Variants in STX12 observed in about 807,000 individuals in gnomAD.
STX12 encodes the protein syntaxin 12.
STX12 carries 17 observed loss-of-function variants against 42.2 expected under a neutral mutation model. That is an observed-to-expected ratio of 0.40 (90% confidence interval 0.28 to 0.60). The LOEUF (loss-of-function observed/expected upper bound fraction) is 0.60, where lower values mean the gene tolerates loss of function less well. Among genes scored for constraint, STX12 ranks in the 20% least tolerant of loss-of-function variants. The probability of loss-of-function intolerance (pLI) is 0.39; values close to 1 mark genes in which losing one functional copy is unlikely to be tolerated. For missense variants in STX12, 297 were observed against 330.9 expected (o/e 0.90, Z 0.79); for synonymous variants, 108 against 116.7 (o/e 0.93, Z 0.48).
chr1:27,779,725 A>G (rs186146123), intron 1 of STX12, among the ~76,000 whole-genome samples: 11 of 152,108 alleles, frequency 7.2e-5, no homozygotes, highest in Admixed American at 3.3e-4. Flanking sequence ...CTTTGCTAGG[A>G]AGGCTATTTT....
At chr1:27,784,992 T>C (rs1255513245) in intron 1 of STX12, among the ~76,000 whole-genome samples, 1 of 152,114 alleles carries the variant, frequency 6.6e-6, no homozygotes, top group Non-Finnish European at 1.5e-5. Flanking sequence ...AGAAGAGTTC[T>C]CCACTGAGAA....
At chr1:27,782,648 G>A (rs1037192586) in intron 1 of STX12, among the ~76,000 whole-genome samples, 1 of 152,010 alleles carries the variant, frequency 6.6e-6, no homozygotes, top group African/African-American at 2.4e-5. Flanking sequence ...GACCAGCCTC[G>A]CTAACATGGT....
chr1:27,817,353 T>C (rs979199665), intron 6 of STX12, among the ~76,000 whole-genome samples: 3 of 152,212 alleles, frequency 2.0e-5, no homozygotes, highest in Non-Finnish European at 4.4e-5. Context: ...GATGACAGAA[T>C]CCAGCAACTC....
chr1:27,815,254 C>A (rs1309037411), intron 6 of STX12, among the ~76,000 whole-genome samples: 1 of 152,058 alleles, frequency 6.6e-6, no homozygotes, highest in Non-Finnish European at 1.5e-5. Context: ...TGGAGTGAGA[C>A]ATATGGAGCT....
At chr1:27,795,047 C>T (rs1029465732) in intron 3 of STX12, among the ~76,000 whole-genome samples, 3 of 152,026 alleles carry the variant, frequency 2.0e-5, no homozygotes, top group Admixed American at 1.3e-4. Flanking sequence ...TATGATTGAA[C>T]GTTTTAAATG....
intron 8 of STX12, among the ~76,000 whole-genome samples, chr1:27,821,559 G>C (rs550934165): frequency 1.1e-4 from 16 of 143,188 alleles, no homozygotes; most frequent in Admixed American, 2.6e-4. Context: ...TCCGCTTGCT[G>C]TATTTTTTTT....
chr1:27,785,365 G>A (rs1427778317), intron 1 of STX12, among the ~76,000 whole-genome samples: 1 of 152,164 alleles, frequency 6.6e-6, no homozygotes, highest in Non-Finnish European at 1.5e-5. Flanking sequence ...AGTTAAGAAA[G>A]TCACAGGTGG....
intron 2 of STX12, among the ~76,000 whole-genome samples, chr1:27,791,537 C>T (rs1329613383): frequency 1.3e-5 from 2 of 152,074 alleles, no homozygotes; most frequent in African/African-American, 2.4e-5. Context: ...CTGAGCAAGC[C>T]GGGAGCAGTG....
chr1:27,800,488 GGTGTGTGTGTGTGTGTGTGTGTGTGTGT>G (rs57488710), intron 3 of STX12, among the ~76,000 whole-genome samples: 33 of 140,988 alleles, frequency 2.3e-4, no homozygotes, highest in African/African-American at 8.5e-4. Flanking sequence ...GTCAGTATGT[GGTGTGTGTGTGTGTGTGTGTGTGTGTGT>G]GTGTGTGTGT....
At chr1:27,813,878 G>A (rs1485163290) in intron 6 of STX12, among the ~76,000 whole-genome samples, 1 of 152,030 alleles carries the variant, frequency 6.6e-6, no homozygotes, top group African/African-American at 2.4e-5. Context: ...TGCCCTAAAG[G>A]CCATCAATGT....
chr1:27,792,056 CTATAA>C (rs1289256227), intron 2 of STX12, among the ~76,000 whole-genome samples: 1 of 133,990 alleles, frequency 7.5e-6, no homozygotes, highest in Non-Finnish European at 1.6e-5. Flanking sequence ...ATAAATATAT[CTATAA>C]TATATATAAA....
chr1:27,824,417 G>A lies in STX12; in HGVS notation c.*2088G>A, dbSNP rs970784460. On this transcript the variant is annotated 3_prime_UTR_variant, in exon 9 of 9. Coordinates refer to ENST00000373943, the MANE Select transcript of STX12 (RefSeq NM_177424.3). ...GTAGTTGCCAAAGAGGTTCTCCTAG[G>A]TGGTCTTAATAAACCTATTCACAGA... 1 of 152,186 alleles carries A rather than the reference G, an allele frequency of 6.6e-6. No individual in the cohort carries two copies. Among genetic ancestry groups the A allele is most frequent in the Non-Finnish European group, 1.5e-5 (1 of 68,036 alleles). 9.4% of individuals were successfully genotyped at this position (152,186 alleles called of 1,614,324 possible). A position where few individuals can be genotyped will look rare whatever the true frequency, so the allele number is the denominator to read the frequency against.
Position 27,809,124 on chromosome 1 carries a change from A to G in STX12, c.427-1122A>G, listed in dbSNP as rs536926385. Among the ~76,000 whole-genome samples the G allele has an allele frequency of 3.3e-3, 503 of 152,248 alleles. 4 individuals are homozygous for G. The highest frequency in any genetic ancestry group is 0.011 in the African/African-American group (475 of 41,552). ...GCCGAGGCAGGCGGATCACGAGGTC[A>G]GGAGTTTGAGAGCAGCCTGGCCAAT... On this transcript the variant is annotated intron_variant, in intron 4 of 8. Coordinates refer to ENST00000373943, the MANE Select transcript of STX12 (RefSeq NM_177424.3).
At chr1:27,792,120 A>C (rs1175267424) in intron 2 of STX12, among the ~76,000 whole-genome samples, 1 of 136,252 alleles carries the variant, frequency 7.3e-6, no homozygotes, top group Admixed American at 7.6e-5. Flanking sequence ...TAAATATATA[A>C]TATATATCTA....
At chr1:27,808,341 T>G (rs1166157604) in intron 4 of STX12, among the ~76,000 whole-genome samples, 1 of 148,192 alleles carries the variant, frequency 6.7e-6, no homozygotes, top group African/African-American at 2.6e-5. Flanking sequence ...ATTTATTTAT[T>G]TATTTATTTA....
intron 6 of STX12, among the ~76,000 whole-genome samples, chr1:27,814,781 C>T (rs1334938044): frequency 2.8e-5 from 4 of 144,266 alleles, no homozygotes; most frequent in African/African-American, 5.3e-5. Flanking sequence ...ACCTGGGAGG[C>T]GGAGGTTGCA....
intron 1 of STX12, among the ~76,000 whole-genome samples, chr1:27,775,555 A>ATG (rs1188279673): frequency 6.6e-6 from 1 of 152,218 alleles, no homozygotes; most frequent in Non-Finnish European, 1.5e-5. Context: ...TACAGGCATG[A>ATG]ATCATCATGC....
intron 3 of STX12, among the ~76,000 whole-genome samples, chr1:27,799,215 C>A (rs918284640): frequency 6.6e-6 from 1 of 152,106 alleles, no homozygotes; most frequent in Non-Finnish European, 1.5e-5. Flanking sequence ...CTTTCCCCAC[C>A]ACCAGTCAAA....
At chr1:27,782,122 GA>G (rs2148597329) in intron 1 of STX12, among the ~76,000 whole-genome samples, 1 of 152,280 alleles carries the variant, frequency 6.6e-6, no homozygotes, top group African/African-American at 2.4e-5. Context: ...GTTGTTTTGA[GA>G]AAGGGTCTTG....
Sources: allele counts gnomAD v4.1 joint callset (sites outside exome capture counted in the v4.1 genomes callset), GRCh38; gene constraint gnomAD v4.1.1; transcripts MANE v1.5; gene names NCBI Gene and HGNC (gene_info 2026-07-23, HGNC 2026-07-21).